The following DLGAP1 variants were observed in gnomAD, a reference collection of about 807,000 sequenced individuals.
The protein encoded by DLGAP1 is DLG associated protein 1.
DLGAP1 carries 11 observed loss-of-function variants against 90.8 expected under a neutral mutation model. The ratio of observed to expected loss-of-function variants is 0.12; its 90% confidence interval spans 0.08 to 0.20. The LOEUF (loss-of-function observed/expected upper bound fraction) is 0.20. DLGAP1 is among the 10% of genes least tolerant of loss of function. The pLI is 1.00. For synonymous variants in DLGAP1, 558 were observed against 540.7 expected, an observed-to-expected ratio of 1.03 and a Z score of -0.44; for missense variants, 1,050 against 1,333.8, an observed-to-expected ratio of 0.79 and a Z score of 3.31.
At chr18:3,725,177 T>C (rs536556570) in intron 7 of DLGAP1, among the ~76,000 whole-genome samples, 1 of 152,204 alleles carries the variant, frequency 6.6e-6, no homozygotes, top group Non-Finnish European at 1.5e-5. Context: ...GTGCCTGTAT[T>C]TGGCCGGATG....
intron 1 of DLGAP1, among the ~76,000 whole-genome samples, chr18:4,419,963 C>G (rs1233289633): frequency 6.6e-6 from 1 of 151,986 alleles, no homozygotes; most frequent in Non-Finnish European, 1.5e-5. Context: ...ACAGACAGGT[C>G]AAATAGATAC....
chr18:4,338,886 C>T (rs915736750), intron 1 of DLGAP1, among the ~76,000 whole-genome samples: 8 of 152,132 alleles, frequency 5.3e-5, no homozygotes, highest in South Asian at 2.1e-4. Flanking sequence ...ATTATTATAG[C>T]GGACCTTCAA....
chr18:4,308,888 G>A lies in DLGAP1; in HGVS notation c.-267+146118C>T, dbSNP rs79141154. On this transcript the variant is annotated intron_variant, in intron 1 of 12. Transcript: ENST00000315677. Reference sequence around the variant, plus strand: ...AAAATAAGTTACTAAATGGTAAGACGTGTGAAATCCAAGCCCTTTAAAGAT... The same window carrying A: ...AAAATAAGTTACTAAATGGTAAGACATGTGAAATCCAAGCCCTTTAAAGAT... 4.7e-3 allele frequency among the ~76,000 whole-genome samples: 719 copies of A among 152,306 alleles called. 5 individuals carry two copies. The highest frequency in any genetic ancestry group is 0.016 in the African/African-American group (680 of 41,570).
chr18:3,959,930 T>A (rs138350370), intron 3 of DLGAP1, among the ~76,000 whole-genome samples: 43 of 152,298 alleles, frequency 2.8e-4, no homozygotes, highest in African/African-American at 1.0e-3. Context: ...TTACATCACA[T>A]TTCAATTCAG....
At chr18:3,632,404 C>T (rs1281778286) in intron 7 of DLGAP1, among the ~76,000 whole-genome samples, 5 of 151,712 alleles carry the variant, frequency 3.3e-5, no homozygotes, top group African/African-American at 1.2e-4. Context: ...CAGGTTCAAG[C>T]GATTCTCCTG....
intron 3 of DLGAP1, among the ~76,000 whole-genome samples, chr18:3,908,374 T>C (rs1490437653): frequency 6.6e-6 from 1 of 152,212 alleles, no homozygotes; most frequent in Non-Finnish European, 1.5e-5. Flanking sequence ...ATAGATTAAA[T>C]ATCTCAAAAA....
At chr18:3,527,005 C>CCTTTTTGG (rs1853045122) in intron 10 of DLGAP1, among the ~76,000 whole-genome samples, 1 of 151,802 alleles carries the variant, frequency 6.6e-6, no homozygotes, top group Non-Finnish European at 1.5e-5. Context: ...GTACTGTCGA[C>CCTTTTTGG]GGTTGGGGTT....
intron 9 of DLGAP1, among the ~76,000 whole-genome samples, chr18:3,563,454 T>C (rs1382243200): frequency 1.4e-5 from 2 of 142,440 alleles, no homozygotes; most frequent in East Asian, 4.0e-4. Context: ...TAATCTGTTA[T>C]GGCTTTTTTT....
intron 1 of DLGAP1, among the ~76,000 whole-genome samples, chr18:4,337,587 C>T: frequency 6.6e-6 from 1 of 152,082 alleles, no homozygotes. Context: ...AATATTTTAG[C>T]TCTAGTATTC....
chr18:4,364,307 A>G (rs1237472030), intron 1 of DLGAP1, among the ~76,000 whole-genome samples: 3 of 148,666 alleles, frequency 2.0e-5, no homozygotes, highest in East Asian at 2.0e-4. Context: ...CCTAATGCTA[A>G]ATGACGAGTT....
At chr18:4,247,056 G>T (rs1451588564) in intron 1 of DLGAP1, among the ~76,000 whole-genome samples, 1 of 152,092 alleles carries the variant, frequency 6.6e-6, no homozygotes. Flanking sequence ...AATTGGAGGA[G>T]TAGTAGTAGT....
intron 1 of DLGAP1, among the ~76,000 whole-genome samples, chr18:4,224,466 C>T (rs574627536): frequency 6.6e-6 from 1 of 152,220 alleles, no homozygotes; most frequent in Admixed American, 6.5e-5. Flanking sequence ...TATGGGAACC[C>T]ACATCCCTGA....
intron 3 of DLGAP1, among the ~76,000 whole-genome samples, chr18:3,968,898 A>T (rs1568325592): frequency 1.3e-5 from 2 of 152,136 alleles, no homozygotes; most frequent in Admixed American, 1.3e-4. Context: ...AATTAAGAGG[A>T]CCTGGTAACA....
chr18:4,446,326 G>C (rs2083666524), intron 1 of DLGAP1, among the ~76,000 whole-genome samples: 1 of 152,276 alleles, frequency 6.6e-6, no homozygotes, highest in South Asian at 2.1e-4. Context: ...ATGACCTCAA[G>C]AGCATTTTAG....
chr18:4,009,812 G>A (rs1371921488), intron 2 of DLGAP1, among the ~76,000 whole-genome samples: 1 of 152,182 alleles, frequency 6.6e-6, no homozygotes, highest in Non-Finnish European at 1.5e-5. Context: ...GAACCTTTAG[G>A]TGAATGAGTC....
chr18:3,688,659 AC>A (rs1567965729), intron 7 of DLGAP1, among the ~76,000 whole-genome samples: 11,441 of 94,726 alleles, frequency 0.12, 679 homozygotes, highest in Non-Finnish European at 0.15. Flanking sequence ...ACACACACAC[AC>A]ACACACACCC....
chr18:4,025,261 C>T (rs1176447789), intron 2 of DLGAP1, among the ~76,000 whole-genome samples: 8 of 152,098 alleles, frequency 5.3e-5, no homozygotes, highest in Non-Finnish European at 1.2e-4. Context: ...GAGGTGAGTA[C>T]TGCTATTACA....
In DLGAP1 at chr18:3,831,148, G is replaced by A. The variant is rs534785590; in HGVS notation, c.958-16875C>T. On this transcript the variant is annotated intron_variant, in intron 4 of 12. Transcript: ENST00000315677. ...GAAGAGAGGCTCTTTTGGCATCCAAGGAGCTGCAGTTGGATGTTGCTGTGG... is the reference window on the plus strand; with the variant it reads ...GAAGAGAGGCTCTTTTGGCATCCAAAGAGCTGCAGTTGGATGTTGCTGTGG... Among the ~76,000 whole-genome samples the A allele has an allele frequency of 4.5e-4, 69 of 152,250 alleles. 1 individual carries two copies. Among genetic ancestry groups the A allele is most frequent in the African/African-American group, 1.6e-3 (67 of 41,542 alleles).
intron 3 of DLGAP1, among the ~76,000 whole-genome samples, chr18:3,934,538 G>T (rs769696399): frequency 6.6e-6 from 1 of 152,030 alleles, no homozygotes; most frequent in Non-Finnish European, 1.5e-5. Flanking sequence ...AGAATAATAC[G>T]TATTATAGGG....
Sources: allele counts gnomAD v4.1 joint callset (sites outside exome capture counted in the v4.1 genomes callset), GRCh38; gene constraint gnomAD v4.1.1; transcripts MANE v1.5; gene names NCBI Gene and HGNC (gene_info 2026-07-23, HGNC 2026-07-21).